AGAP1: variants seen among roughly 807,000 people sequenced by gnomAD.
AGAP1 encodes arf-GAP with GTPase, ANK repeat and PH domain-containing protein 1.
A neutral mutation model predicts 105.3 loss-of-function variants in AGAP1; 29 were observed. That is an observed-to-expected ratio of 0.28 (90% CI 0.21 to 0.38). The LOEUF (loss-of-function observed/expected upper bound fraction) is 0.38. AGAP1 is among the 10% of genes least tolerant of loss of function. The pLI, the probability that AGAP1 is intolerant of heterozygous loss-of-function variation, is 1.00. For synonymous variants in AGAP1, 509 were observed against 485.9 expected (o/e 1.05, Z -0.63); for missense variants, 998 against 1,165.1 (o/e 0.86, Z 2.09).
intron 9 of AGAP1, among the ~76,000 whole-genome samples, chr2:235,831,702 A>C (rs1439259167): frequency 1.3e-5 from 2 of 152,168 alleles, no homozygotes; most frequent in African/African-American, 2.4e-5. Flanking sequence ...GTGTTTATCC[A>C]TTCACCTATT....
chr2:236,106,846 C>T (rs976260862), intron 16 of AGAP1, among the ~76,000 whole-genome samples: 3 of 152,202 alleles, frequency 2.0e-5, no homozygotes, highest in African/African-American at 7.2e-5. Context: ...CCCCTGCTGC[C>T]TCCTTACCCA....
chr2:236,066,473 G>A (rs1433518729), intron 16 of AGAP1, among the ~76,000 whole-genome samples: 3 of 152,118 alleles, frequency 2.0e-5, no homozygotes, highest in Non-Finnish European at 2.9e-5. Flanking sequence ...TGATCCACCC[G>A]CGTCGGCCTC....
intron 9 of AGAP1, chr2:235,852,640 A>T (rs1370851025): frequency 7.1e-7 from 1 of 1,408,766 alleles, no homozygotes; most frequent in South Asian, 1.7e-5. Context: ...CCCTCATCAG[A>T]TAAAGCAGTT....
intron 1 of AGAP1, among the ~76,000 whole-genome samples, chr2:235,629,550 C>A (rs183114291): frequency 1.3e-5 from 2 of 151,786 alleles, no homozygotes; most frequent in Admixed American, 6.6e-5. Flanking sequence ...AGCATGGGGA[C>A]TTCATGAGGT....
intron 9 of AGAP1, among the ~76,000 whole-genome samples, chr2:235,831,530 C>G (rs1020619742): frequency 1.3e-5 from 2 of 152,180 alleles, no homozygotes; most frequent in African/African-American, 4.8e-5. Context: ...ATAGTTTTTC[C>G]TTTGCCAGGA....
chr2:235,926,991 T>C (rs1160271211), intron 11 of AGAP1, among the ~76,000 whole-genome samples: 2 of 152,204 alleles, frequency 1.3e-5, no homozygotes, highest in Non-Finnish European at 2.9e-5. Context: ...AAAAAAATGA[T>C]CAACTAAGTA....
intron 1 of AGAP1, among the ~76,000 whole-genome samples, chr2:235,706,970 T>C (rs1471375110): frequency 6.6e-6 from 1 of 152,256 alleles, no homozygotes; most frequent in Admixed American, 6.5e-5. Flanking sequence ...TAGTTACCCC[T>C]GACTGAGCGC....
At position 235,494,659 on chromosome 2, in the gene AGAP1, G is replaced by T. The variant is rs752113002; in HGVS notation, c.-28G>T. On this transcript the variant is annotated 5_prime_UTR_variant, in exon 1 of 18. Coordinates refer to ENST00000304032, the MANE Select transcript of AGAP1 (RefSeq NM_001037131.3). ...GCGCGGGGCGGCGGCGGCGGGGGGC[G>T]CGCGGCTCCGGGCGCGGCGCCTGCA... 4.5e-6 allele frequency: 5 copies of T among 1,112,122 alleles called. No homozygotes were observed. In the African/African-American group the frequency reaches 8.5e-5, roughly 19 times the overall value. The allele number at this position is 1,112,122 out of a possible 1,614,324, so 68.9% of individuals were successfully genotyped here.
chr2:235,917,375 C>T (rs2051942912), intron 11 of AGAP1, among the ~76,000 whole-genome samples: 1 of 152,170 alleles, frequency 6.6e-6, no homozygotes, highest in Non-Finnish European at 1.5e-5. Context: ...AAAAACCAAA[C>T]TAATAGCATG....
intron 1 of AGAP1, among the ~76,000 whole-genome samples, chr2:235,503,198 G>A (rs1941640685): frequency 6.6e-6 from 1 of 152,158 alleles, no homozygotes; most frequent in Non-Finnish European, 1.5e-5. Context: ...AAAAGAAATT[G>A]ATTTGGAAAG....
intron 13 of AGAP1, among the ~76,000 whole-genome samples, chr2:236,033,612 G>A (rs1055799234): frequency 2.0e-5 from 3 of 152,202 alleles, no homozygotes; most frequent in Admixed American, 2.0e-4. Context: ...GCCTGAGTGT[G>A]TGCCCGTCCT....
intron 9 of AGAP1, among the ~76,000 whole-genome samples, chr2:235,840,256 G>T (rs149581430): frequency 2.7e-5 from 4 of 149,320 alleles, no homozygotes; most frequent in South Asian, 2.1e-4. Context: ...GGCTTCAGCC[G>T]CTGTCCATTC....
rs1575068307 is a variant in AGAP1 at position 235,664,401 on chromosome 2, A to T, written c.164-44778A>T. 6.6e-6 allele frequency among the ~76,000 whole-genome samples: 1 copy of T among 151,952 alleles called. No homozygotes were observed. Among genetic ancestry groups the T allele is most frequent in the South Asian group, 2.1e-4 (1 of 4,810 alleles). ...TAATTTTTTTTGTATTTTTATAAAT[A>T]TAAAAAAGATTTCACCATGTTGGCC... On this transcript the variant is annotated intron_variant, in intron 1 of 17. Coordinates refer to ENST00000304032, the MANE Select transcript of AGAP1 (RefSeq NM_001037131.3). This position sits in a 1 kb window ranked among gnomAD's most constrained non-coding sequence, Gnocchi z 5.7.
At position 236,101,529 on chromosome 2, in the gene AGAP1, C is replaced by T. The variant is rs770610020; in HGVS notation, c.2115-18663C>T. On this transcript the variant is annotated intron_variant, in intron 16 of 17. Transcript: ENST00000304032. This position sits in a 1 kb window ranked among gnomAD's most constrained non-coding sequence, Gnocchi z 4.9. ...CACTCCGGCCTGTCCCCGCCTCTTC[C>T]GTGTGAGAAGAGCCTTGGCTGTTCC... 5.9e-5 allele frequency among the ~76,000 whole-genome samples: 9 copies of T among 152,330 alleles called. No homozygotes were observed. The highest frequency in any genetic ancestry group is 8.8e-5 in the Non-Finnish European group (6 of 68,036).
rs1057369108 is a variant in AGAP1 at position 235,887,303 on chromosome 2, T to C, written c.1155+3854T>C. Among the ~76,000 whole-genome samples the C allele has an allele frequency of 1.3e-5, 2 of 152,002 alleles. No individual in the cohort carries two copies. The highest frequency in any genetic ancestry group is 2.9e-5 in the Non-Finnish European group (2 of 68,008). The stretch of plus-strand genomic sequence containing the variant: ...GCTGGTGTTTGGGTTTCAGAGTCAT[T>C]ATTGTTGCTCCTAACTCTATTACTG... On this transcript the variant is annotated intron_variant, in intron 10 of 17. Transcript: ENST00000304032. This position sits in a 1 kb window ranked among gnomAD's most constrained non-coding sequence, Gnocchi z 4.1.
At chr2:236,103,166 A>G (rs1361873506) in intron 16 of AGAP1, among the ~76,000 whole-genome samples, 1 of 151,854 alleles carries the variant, frequency 6.6e-6, no homozygotes, top group Non-Finnish European at 1.5e-5. Context: ...GGTCTCCCTC[A>G]CCAAAACCAG....
At chr2:235,972,952 G>A (rs1392767110) in intron 13 of AGAP1, among the ~76,000 whole-genome samples, 1 of 152,036 alleles carries the variant, frequency 6.6e-6, no homozygotes, top group Non-Finnish European at 1.5e-5. Flanking sequence ...CCCTTCCCCA[G>A]CTGTGTGCGA....
chr2:235,807,415 A>G, intron 9 of AGAP1, 84 bp downstream of exon 9: 4 of 1,264,612 alleles, frequency 3.2e-6, no homozygotes, highest in South Asian at 1.5e-5. Flanking sequence ...TCTCGCACCA[A>G]GGTCTGTCTG....
intron 1 of AGAP1, among the ~76,000 whole-genome samples, chr2:235,518,477 A>G (rs936565914): frequency 1.2e-4 from 19 of 152,174 alleles, no homozygotes; most frequent in Non-Finnish European, 2.9e-5. Context: ...CCACCCTGCA[A>G]TTGGTTTCAT....
Sources: gnomAD v4.1 joint callset for allele counts (sites outside exome capture counted in the v4.1 genomes callset) on GRCh38, gnomAD v4.1.1 for gene constraint, Gnocchi (gnomAD v3.1) non-coding constraint, MANE v1.5 for transcripts, NCBI Gene and HGNC (gene_info 2026-07-23, HGNC 2026-07-21) for gene names.